The following BTRC variants were observed in gnomAD, a reference collection of about 807,000 sequenced individuals.
The protein encoded by BTRC is F-box/WD repeat-containing protein 1A.
BTRC carries 42 observed loss-of-function variants against 85.5 expected under a neutral mutation model. That is an observed-to-expected ratio of 0.49 (90% CI 0.38 to 0.64). The LOEUF is 0.64. Among genes scored for constraint, BTRC ranks in the 30% least tolerant of loss-of-function variants. BTRC has a pLI of 0.00. For synonymous variants in BTRC, 255 were observed against 263.3 expected (o/e 0.97, Z 0.30); for missense variants, 594 against 743.5 (o/e 0.80, Z 2.34).
chr10:101,515,673 G>A (rs917002847), intron 4 of BTRC, among the ~76,000 whole-genome samples: 19 of 151,966 alleles, frequency 1.3e-4, no homozygotes, highest in African/African-American at 4.4e-4. Flanking sequence ...CACCACGCCC[G>A]GCTAATTTTT....
chr10:101,403,320 C>T (rs1943534921), intron 1 of BTRC, among the ~76,000 whole-genome samples: 1 of 152,186 alleles, frequency 6.6e-6, no homozygotes, highest in Non-Finnish European at 1.5e-5. Flanking sequence ...AGTAAGGCCC[C>T]ATAAGGACTT....
chr10:101,529,440 T>C (rs2062248219), intron 6 of BTRC, among the ~76,000 whole-genome samples: 1 of 152,184 alleles, frequency 6.6e-6, no homozygotes, highest in Admixed American at 6.5e-5. Context: ...ATGGTGGGCA[T>C]TGAGAAACAA....
intron 13 of BTRC, among the ~76,000 whole-genome samples, chr10:101,540,235 C>T (rs927877101): frequency 6.6e-6 from 1 of 152,128 alleles, no homozygotes; most frequent in African/African-American, 2.4e-5. Context: ...GTGTTTTCTT[C>T]TCTAAGTTTT....
At chr10:101,534,239 G>A (rs144450465) in intron 9 of BTRC, among the ~76,000 whole-genome samples, 227 of 152,212 alleles carry the variant, frequency 1.5e-3, no homozygotes, top group African/African-American at 4.9e-3. Context: ...GAGATCCAGG[G>A]TAATCAAACT....
chr10:101,385,227 C>A (rs1346508224), intron 1 of BTRC, among the ~76,000 whole-genome samples: 1 of 150,468 alleles, frequency 6.6e-6, no homozygotes, highest in Admixed American at 6.6e-5. Context: ...ATTAGCCGGG[C>A]GTGGTGGCGG....
chr10:101,414,039 G>A (rs11591788), intron 1 of BTRC, among the ~76,000 whole-genome samples: 41,478 of 152,026 alleles, frequency 0.27, 6,773 homozygotes, highest in South Asian at 0.41. Flanking sequence ...AGTAGTTTTA[G>A]CACATTCACA....
chr10:101,394,121 T>C (rs1448085072), intron 1 of BTRC, among the ~76,000 whole-genome samples: 2 of 152,216 alleles, frequency 1.3e-5, no homozygotes, highest in African/African-American at 4.8e-5. Context: ...GAAGATATTA[T>C]GGAGCTAGAG....
intron 1 of BTRC, among the ~76,000 whole-genome samples, chr10:101,365,888 T>A (rs531555368): frequency 1.3e-5 from 2 of 152,330 alleles, no homozygotes; most frequent in East Asian, 3.9e-4. Context: ...AAAATGATCA[T>A]GGACTACATT....
At chr10:101,494,506 G>A (rs1396710167) in intron 4 of BTRC, among the ~76,000 whole-genome samples, 2 of 152,096 alleles carry the variant, frequency 1.3e-5, no homozygotes, top group Non-Finnish European at 2.9e-5. Flanking sequence ...TCTTAATTTT[G>A]AGAATGCGGA....
At chr10:101,416,556 G>C (rs1421453666) in intron 1 of BTRC, among the ~76,000 whole-genome samples, 2 of 152,022 alleles carry the variant, frequency 1.3e-5, no homozygotes, top group African/African-American at 4.8e-5. Context: ...AGTTGTTGTT[G>C]TTGTTATTGT....
intron 3 of BTRC, among the ~76,000 whole-genome samples, chr10:101,467,350 C>CT (rs1945405597): frequency 8.0e-6 from 1 of 125,656 alleles, no homozygotes; most frequent in Non-Finnish European, 1.7e-5. Context: ...TTTTTTCTCT[C>CT]TATTTGTTTT....
intron 1 of BTRC, among the ~76,000 whole-genome samples, chr10:101,356,019 T>A (rs886096960): frequency 3.3e-5 from 5 of 152,210 alleles, no homozygotes; most frequent in Non-Finnish European, 7.3e-5. Flanking sequence ...GAGGGTTGAC[T>A]CCTTTTTTTC....
chr10:101,492,697 T>G (rs1484315748), intron 4 of BTRC, among the ~76,000 whole-genome samples: 1 of 152,208 alleles, frequency 6.6e-6, no homozygotes, highest in Non-Finnish European at 1.5e-5. Context: ...ACAAGGTAGT[T>G]TCTGAAATGT....
At chr10:101,541,133 A>G (rs1446267209) in intron 13 of BTRC, among the ~76,000 whole-genome samples, 1 of 150,648 alleles carries the variant, frequency 6.6e-6, no homozygotes. Context: ...TAAGACCTCC[A>G]GTACAATGTT....
chr10:101,418,642 ATATGTT>A (rs1235440458), intron 1 of BTRC, among the ~76,000 whole-genome samples: 1 of 151,636 alleles, frequency 6.6e-6, no homozygotes, highest in African/African-American at 2.4e-5. Context: ...CCAAACATAT[ATATGTT>A]TATATTTTTT....
intron 1 of BTRC, among the ~76,000 whole-genome samples, chr10:101,369,337 G>A (rs902594409): frequency 6.6e-6 from 1 of 151,846 alleles, no homozygotes; most frequent in South Asian, 2.1e-4. Context: ...TCCCACCTGG[G>A]CCTCCCAAAG....
chr10:101,507,651 AT>A lies in BTRC; in HGVS notation c.325-13979del, dbSNP rs1030683768. Reference sequence around the variant, plus strand: ...CTTGTAATTAGTGCTGTCATGGAAGATTTTTTTTTGCTGAAGGATGTTGGAA... The same window carrying A: ...CTTGTAATTAGTGCTGTCATGGAAGATTTTTTTTGCTGAAGGATGTTGGAA... On this transcript the variant is annotated intron_variant, in intron 4 of 14. Coordinates refer to ENST00000370187, the MANE Select transcript of BTRC (RefSeq NM_033637.4). 2.6e-5 allele frequency among the ~76,000 whole-genome samples: 4 copies of A among 151,516 alleles called. No homozygotes were observed. In the East Asian group the frequency reaches 5.8e-4, roughly 22 times the overall value.
intron 5 of BTRC, among the ~76,000 whole-genome samples, chr10:101,523,093 A>G (rs1026027248): frequency 6.6e-6 from 1 of 152,128 alleles, no homozygotes; most frequent in Non-Finnish European, 1.5e-5. Flanking sequence ...TATCTCAGCT[A>G]CTTGGGAGAC....
rs58902120 is a variant in BTRC at position 101,406,524 on chromosome 10, C to CTTTTTTTT, written c.49-23800_49-23793dup. ...ATGTTAACATAGCCATCTCAGGTTT[C>CTTTTTTTT]TTTTTTTTTTTTTTTTTTTTTTTTT... On this transcript the variant is annotated intron_variant, in intron 1 of 14. Coordinates refer to ENST00000370187, the MANE Select transcript of BTRC (RefSeq NM_033637.4). 3.2e-4 allele frequency among the ~76,000 whole-genome samples: 16 copies of CTTTTTTTT among 50,426 alleles called. 2 individuals are homozygous for CTTTTTTTT. Among genetic ancestry groups the CTTTTTTTT allele is most frequent in the Non-Finnish European group, 4.5e-4 (13 of 28,774 alleles). The allele number at this position is 50,426 out of a possible 152,430, so 33.1% of individuals were successfully genotyped here.
Sources: allele counts gnomAD v4.1 joint callset (sites outside exome capture counted in the v4.1 genomes callset), GRCh38; gene constraint gnomAD v4.1.1; transcripts MANE v1.5; gene names NCBI Gene and HGNC (gene_info 2026-07-23, HGNC 2026-07-21).